FBXO42: variants seen among roughly 807,000 people sequenced by gnomAD.
FBXO42 encodes the protein F-box protein 42.
FBXO42 carries 12 observed loss-of-function variants against 71.7 expected under a neutral mutation model. That is an observed-to-expected ratio of 0.17 (90% CI 0.11 to 0.27). The LOEUF (loss-of-function observed/expected upper bound fraction) is 0.27. Among genes scored for constraint, FBXO42 ranks in the 10% least tolerant of loss-of-function variants. The probability of loss-of-function intolerance (pLI) is 1.00; values close to 1 mark genes in which losing one functional copy is unlikely to be tolerated. For synonymous variants in FBXO42, 325 were observed against 327.5 expected, an observed-to-expected ratio of 0.99 and a Z score of 0.08; for missense variants, 707 against 911.9, an observed-to-expected ratio of 0.78 and a Z score of 2.89.
At chr1:16,304,571 T>C (rs932846482) in intron 3 of FBXO42, among the ~76,000 whole-genome samples, 9 of 152,310 alleles carry the variant, frequency 5.9e-5, no homozygotes, top group Admixed American at 2.0e-4. Context: ...ATCTTAGAAA[T>C]ACCCTCATGT....
intron 1 of FBXO42, among the ~76,000 whole-genome samples, chr1:16,333,819 G>A (rs2082524779): frequency 6.6e-6 from 1 of 152,092 alleles, no homozygotes. Flanking sequence ...TTTCAGATGG[G>A]TAGTGTTATG....
chr1:16,254,294 T>C lies in FBXO42; in HGVS notation c.768-563A>G, dbSNP rs560033768. On this transcript the variant is annotated intron_variant, in intron 6 of 9. Transcript: ENST00000375592. The stretch of plus-strand genomic sequence containing the variant: ...GGTGACAGCAGGAAATAGACACTGG[T>C]TAAGCTACAGTTTTCAAAAGCAAAA... Among the ~76,000 whole-genome samples the C allele has an allele frequency of 4.6e-5, 7 of 152,282 alleles. No homozygotes were observed. In the South Asian group the frequency reaches 1.2e-3, roughly 27 times the overall value.
chr1:16,275,746 T>G (rs1415123557), intron 4 of FBXO42, among the ~76,000 whole-genome samples: 1 of 152,164 alleles, frequency 6.6e-6, no homozygotes, highest in Non-Finnish European at 1.5e-5. Flanking sequence ...TGGTTGCTCA[T>G]GCCTGTAATC....
At chr1:16,342,530 C>T (rs1181731441) in intron 1 of FBXO42, among the ~76,000 whole-genome samples, 3 of 150,662 alleles carry the variant, frequency 2.0e-5, no homozygotes, top group South Asian at 2.1e-4. Flanking sequence ...CTGGAGTAAA[C>T]CGTGATCGCC....
chr1:16,315,405 G>A lies in FBXO42; in HGVS notation c.14C>T (p.Ser5Leu), dbSNP rs1306328789. The change falls in exon 2 of 10, where the codon TCG becomes TTG. Residue 5 changes from serine to leucine, a missense_variant. Around this residue, in one of 5 missense-constraint regions of FBXO42, gnomAD observed 188 missense variants for 230.5 expected, o/e 0.82. Coordinates refer to ENST00000375592, the MANE Select transcript of FBXO42 (RefSeq NM_018994.3). The stretch of plus-strand genomic sequence containing the variant: ...CATGAAACTGTCATCTTCACTGTCC[G>A]AGGAGCTGGCCATGACATTCCACTC... MASSSDSEDDSFMAV... is the reference protein window; with the variant it reads MASSLDSEDDSFMAV... 5.6e-6 allele frequency: 9 copies of A among 1,613,898 alleles called. No individual in the cohort carries two copies. The highest frequency in any genetic ancestry group is 2.7e-5 in the African/African-American group (2 of 74,892).
chr1:16,333,441 C>A (rs990285235), intron 1 of FBXO42, among the ~76,000 whole-genome samples: 3 of 137,202 alleles, frequency 2.2e-5, no homozygotes, highest in Non-Finnish European at 3.3e-5. Context: ...GTGAGACCCC[C>A]CCCCCCCATT....
chr1:16,322,791 G>C (rs867535520), intron 1 of FBXO42, among the ~76,000 whole-genome samples: 1 of 152,128 alleles, frequency 6.6e-6, no homozygotes, highest in Non-Finnish European at 1.5e-5. Context: ...CCTAAGTAAT[G>C]AAAGTTCCCC....
At chr1:16,325,620 A>T (rs2082442439) in intron 1 of FBXO42, among the ~76,000 whole-genome samples, 1 of 152,186 alleles carries the variant, frequency 6.6e-6, no homozygotes, top group Non-Finnish European at 1.5e-5. Context: ...ATGGAAAAAT[A>T]AAGTATTCCA....
At position 16,251,202 on chromosome 1, in the gene FBXO42, G is replaced by A; in HGVS notation, c.1622C>T (p.Pro541Leu). Residue 541 changes from proline (P) to leucine (L), a missense_variant, in exon 10 of 10, where the codon CCT becomes CTT. This residue lies in a region of FBXO42 where 482 missense variants were observed against 587.1 expected (regional missense o/e 0.82). Coordinates refer to ENST00000375592, the MANE Select transcript of FBXO42 (RefSeq NM_018994.3). This position sits in a 1 kb window ranked among gnomAD's most constrained non-coding sequence, Gnocchi z 4.5. ...CCCTGCAAGGGCACTGGCCACGTGA[G>A]GTGGGGTATGCACACCATTTGTCTG... ...PEQTNGVHTP[P>L]HVASALAGAV... The A allele has an allele frequency of 6.2e-7, 1 of 1,614,166 alleles. No individual in the cohort carries two copies. The highest frequency in any genetic ancestry group is 8.5e-7 in the Non-Finnish European group (1 of 1,180,034).
chr1:16,269,823 C>A (rs1350707621), intron 4 of FBXO42, among the ~76,000 whole-genome samples: 1 of 150,448 alleles, frequency 6.6e-6, no homozygotes. Flanking sequence ...CCATGCCTGG[C>A]CTATTCTTTA....
intron 3 of FBXO42, among the ~76,000 whole-genome samples, chr1:16,304,113 ATT>A (rs141862662): frequency 0.092 from 11,699 of 127,454 alleles, 623 homozygotes; most frequent in Non-Finnish European, 0.13. Flanking sequence ...CCAAATTTGT[ATT>A]TTTTTTTTTT....
At chr1:16,347,514 AAAAC>A (rs537447737) in intron 1 of FBXO42, among the ~76,000 whole-genome samples, 335 of 152,094 alleles carry the variant, frequency 2.2e-3, no homozygotes, top group East Asian at 3.5e-3. Flanking sequence ...ACTTCCTCTC[AAAAC>A]AAACAAACAA....
intron 2 of FBXO42, among the ~76,000 whole-genome samples, chr1:16,314,133 G>A (rs1393715893): frequency 7.2e-5 from 11 of 152,034 alleles, no homozygotes; most frequent in Admixed American, 5.9e-4. Flanking sequence ...TGTATTTTTA[G>A]TAGAGACAGG....
chr1:16,337,399 C>T (rs984236561), intron 1 of FBXO42, among the ~76,000 whole-genome samples: 8 of 152,162 alleles, frequency 5.3e-5, no homozygotes, highest in African/African-American at 1.2e-4. Flanking sequence ...TTAATCTTTA[C>T]GTCAACTCTG....
chr1:16,270,714 GAA>G (rs1553150234), intron 4 of FBXO42, among the ~76,000 whole-genome samples: 1 of 96,122 alleles, frequency 1.0e-5, no homozygotes, highest in Non-Finnish European at 2.3e-5. Flanking sequence ...AAAGAAAGAA[GAA>G]AAGATAAATT....
At chr1:16,254,153 T>C (rs898607541) in intron 6 of FBXO42, among the ~76,000 whole-genome samples, 1 of 152,198 alleles carries the variant, frequency 6.6e-6, no homozygotes, top group East Asian at 1.9e-4. Flanking sequence ...CCCTCTGCTC[T>C]TTCCACGAGG....
At chr1:16,292,606 T>C (rs751952140) in intron 4 of FBXO42, 1 of 151,834 alleles carries the variant, frequency 6.6e-6, no homozygotes, top group Non-Finnish European at 1.5e-5. Context: ...CACAAAGCAG[T>C]CTTTAAACTT....
rs183688901 is a variant in FBXO42 at position 16,342,277 on chromosome 1, T to C, written c.-18+9978A>G. Among the ~76,000 whole-genome samples the C allele has an allele frequency of 1.6e-4, 24 of 150,800 alleles. No individual in the cohort carries two copies. In the East Asian group the frequency reaches 4.4e-3, roughly 27 times the overall value. On this transcript the variant is annotated intron_variant, in intron 1 of 9. Coordinates refer to ENST00000375592, the MANE Select transcript of FBXO42 (RefSeq NM_018994.3). ...CGGGTGTGGTGGCACATGCCTGTAA[T>C]CCCAGCTACTCAGGAGGCTGAGGCA...
chr1:16,262,758 T>G (rs1431250801), intron 4 of FBXO42, among the ~76,000 whole-genome samples: 2 of 152,066 alleles, frequency 1.3e-5, no homozygotes, highest in Admixed American at 1.3e-4. Flanking sequence ...GAGTCTGGAG[T>G]GCAGTGGCGT....
Sources: allele counts gnomAD v4.1 joint callset (sites outside exome capture counted in the v4.1 genomes callset), GRCh38; gene constraint gnomAD v4.1.1; regional missense constraint gnomAD v4.1.1; non-coding constraint Gnocchi (gnomAD v3.1); transcripts MANE v1.5; gene names NCBI Gene and HGNC (gene_info 2026-07-23, HGNC 2026-07-21).